MDGA2: variants seen among roughly 807,000 people sequenced by gnomAD.
MDGA2 encodes MAM domain-containing glycosylphosphatidylinositol anchor protein 2.
MDGA2 carries 40 observed loss-of-function variants against 117.8 expected under a neutral mutation model. The ratio of observed to expected loss-of-function variants is 0.34; its 90% CI spans 0.26 to 0.44. The LOEUF is 0.44. Among genes scored for constraint, MDGA2 ranks in the 20% least tolerant of loss-of-function variants. MDGA2 has a pLI of 1.00. For synonymous variants in MDGA2, 452 were observed against 439.0 expected (o/e 1.03, Z -0.37); for missense variants, 1,123 against 1,250.6 (o/e 0.90, Z 1.54).
intron 1 of MDGA2, among the ~76,000 whole-genome samples, chr14:47,395,841 A>G (rs920244002): frequency 6.6e-6 from 1 of 152,190 alleles, no homozygotes; most frequent in Non-Finnish European, 1.5e-5. Context: ...TAAGTTTGTT[A>G]CAATACTCAC....
intron 3 of MDGA2, among the ~76,000 whole-genome samples, chr14:47,179,800 T>C (rs1187050030): frequency 6.6e-6 from 1 of 152,162 alleles, no homozygotes; most frequent in Admixed American, 6.5e-5. Flanking sequence ...TTGGAGTAGT[T>C]ACTCACAGAT....
chr14:47,617,873 A>C (rs981307132), intron 1 of MDGA2, among the ~76,000 whole-genome samples: 1 of 152,218 alleles, frequency 6.6e-6, no homozygotes, highest in African/African-American at 2.4e-5. Context: ...ACTGTACATA[A>C]ATGAGTGGAT....
intron 3 of MDGA2, among the ~76,000 whole-genome samples, chr14:47,164,349 T>G (rs1474525623): frequency 6.6e-6 from 1 of 152,090 alleles, no homozygotes; most frequent in Non-Finnish European, 1.5e-5. Flanking sequence ...TACAATCTCC[T>G]CATCTGACAA....
At chr14:47,269,331 A>C (rs1197316861) in intron 2 of MDGA2, among the ~76,000 whole-genome samples, 1 of 152,166 alleles carries the variant, frequency 6.6e-6, no homozygotes, top group Non-Finnish European at 1.5e-5. Context: ...GAAGAACATA[A>C]AGTCAGTTAC....
chr14:47,594,939 A>AGGCCATCTC (rs1896507892), intron 1 of MDGA2, among the ~76,000 whole-genome samples: 1 of 151,780 alleles, frequency 6.6e-6, no homozygotes, highest in Admixed American at 6.6e-5. Flanking sequence ...TCTCCCTCAA[A>AGGCCATCTC]CCTTTTGGCC....
Position 47,455,680 on chromosome 14 carries a change from T to C in MDGA2, c.281-154130A>G, listed in dbSNP as rs1039761890. Among the ~76,000 whole-genome samples, 5 of 152,162 alleles carry C rather than the reference T, an allele frequency of 3.3e-5. No homozygotes were observed. The South Asian group carries it at 6.2e-4, about 19-fold the overall frequency. Reference sequence around the variant, plus strand: ...GGTTTTCAATACTTATGAGTGAATGTAAATTGAAGGTTAAATATTAGAGTA... The same window carrying C: ...GGTTTTCAATACTTATGAGTGAATGCAAATTGAAGGTTAAATATTAGAGTA... On this transcript the variant is annotated intron_variant, in intron 1 of 16. Transcript: ENST00000399232.
At chr14:47,407,955 T>G (rs1424898182) in intron 1 of MDGA2, among the ~76,000 whole-genome samples, 1 of 151,922 alleles carries the variant, frequency 6.6e-6, no homozygotes, top group East Asian at 1.9e-4. Context: ...CCCAGAGATG[T>G]CCCTACCCTA....
At chr14:47,150,140 G>A (rs1001669737) in intron 3 of MDGA2, among the ~76,000 whole-genome samples, 5 of 152,098 alleles carry the variant, frequency 3.3e-5, no homozygotes, top group African/African-American at 1.2e-4. Flanking sequence ...CTAATTAGGA[G>A]GAATAGGCAA....
At chr14:47,102,044 C>A (rs907942066) in intron 5 of MDGA2, among the ~76,000 whole-genome samples, 1 of 152,006 alleles carries the variant, frequency 6.6e-6, no homozygotes, top group African/African-American at 2.4e-5. Context: ...TTTGTTTTTG[C>A]CGCTACCTAA....
At chr14:47,250,355 T>C (rs938279783) in intron 2 of MDGA2, among the ~76,000 whole-genome samples, 16 of 152,252 alleles carry the variant, frequency 1.1e-4, no homozygotes, top group Non-Finnish European at 2.2e-4. Context: ...TTTAAAGTTT[T>C]ATTATTTATT....
chr14:47,120,120 G>A (rs1001370429), intron 5 of MDGA2, among the ~76,000 whole-genome samples: 5 of 152,146 alleles, frequency 3.3e-5, no homozygotes, highest in Non-Finnish European at 5.9e-5. Flanking sequence ...CCTTGGTTGA[G>A]TACAATGTCA....
intron 1 of MDGA2, among the ~76,000 whole-genome samples, chr14:47,370,817 C>A (rs1269957633): frequency 1.3e-5 from 2 of 151,406 alleles, no homozygotes; most frequent in African/African-American, 4.8e-5. Context: ...ATAATACATC[C>A]TCTTCTGTAT....
chr14:47,213,943 C>T (rs961740827), intron 3 of MDGA2, among the ~76,000 whole-genome samples: 1 of 152,210 alleles, frequency 6.6e-6, no homozygotes, highest in South Asian at 2.1e-4. Flanking sequence ...CCGTGCTGAG[C>T]ACAGAATGGA....
At chr14:46,953,975 A>G (rs1885464221) in intron 9 of MDGA2, among the ~76,000 whole-genome samples, 1 of 152,012 alleles carries the variant, frequency 6.6e-6, no homozygotes. Flanking sequence ...CTGGTTTCCT[A>G]TATAATCAAG....
chr14:47,056,956 AT>A (rs527803186), intron 7 of MDGA2, among the ~76,000 whole-genome samples: 1 of 152,178 alleles, frequency 6.6e-6, no homozygotes, highest in African/African-American at 2.4e-5. Flanking sequence ...AGTATATTTA[AT>A]TTTTTAATTG....
At chr14:47,014,841 A>T (rs1888024091) in intron 8 of MDGA2, among the ~76,000 whole-genome samples, 1 of 152,148 alleles carries the variant, frequency 6.6e-6, no homozygotes, top group Non-Finnish European at 1.5e-5. Context: ...TAGCACTTTT[A>T]GTTTCCTTCA....
chr14:47,048,660 G>A (rs570286001), intron 7 of MDGA2, among the ~76,000 whole-genome samples: 1 of 152,106 alleles, frequency 6.6e-6, no homozygotes, highest in South Asian at 2.1e-4. Flanking sequence ...AAACGAAGCT[G>A]GCTCTCTCAT....
chr14:47,221,122 A>T (rs527700274), intron 2 of MDGA2, among the ~76,000 whole-genome samples: 38 of 148,834 alleles, frequency 2.6e-4, no homozygotes, highest in African/African-American at 9.4e-4. Flanking sequence ...AAAGTTTTTT[A>T]AAACCAAAAG....
At chr14:47,371,995 A>T (rs1035390356) in intron 1 of MDGA2, among the ~76,000 whole-genome samples, 5 of 151,808 alleles carry the variant, frequency 3.3e-5, no homozygotes, top group Non-Finnish European at 7.4e-5. Context: ...TTCATTTTAT[A>T]AAATACTCTC....
Sources: allele counts gnomAD v4.1 joint callset (sites outside exome capture counted in the v4.1 genomes callset), GRCh38; gene constraint gnomAD v4.1.1; transcripts MANE v1.5; gene names NCBI Gene and HGNC (gene_info 2026-07-23, HGNC 2026-07-21).